The following IFT81 variants were observed in gnomAD, a reference collection of about 807,000 sequenced individuals.
IFT81 encodes intraflagellar transport 81, also known as intraflagellar transport protein 81 homolog.
In IFT81, 72 loss-of-function variants were observed where a neutral mutation model predicts 102.6. That is an observed-to-expected ratio of 0.70 (90% CI 0.58 to 0.85). IFT81 has a LOEUF of 0.85. IFT81 is among the 40% of genes least tolerant of loss of function. The probability of loss-of-function intolerance (pLI) is 0.00; values close to 1 mark genes in which losing one functional copy is unlikely to be tolerated. For synonymous variants in IFT81, 237 were observed against 242.7 expected (o/e 0.98, Z 0.22); for missense variants, 723 against 787.3 (o/e 0.92, Z 0.98).
chr12:110,195,849 A>C (rs988321318), intron 14 of IFT81, among the ~76,000 whole-genome samples: 1 of 152,240 alleles, frequency 6.6e-6, no homozygotes, highest in African/African-American at 2.4e-5. Context: ...TTTGACTATT[A>C]GATCATGCTT....
At chr12:110,132,970 CTTTTT>C (rs11349893) in intron 5 of IFT81, among the ~76,000 whole-genome samples, 5 of 124,938 alleles carry the variant, frequency 4.0e-5, no homozygotes, top group Non-Finnish European at 3.3e-5. Context: ...CTTTCTCTCT[CTTTTT>C]TTTTTTTTTT....
At chr12:110,149,339 T>C (rs577971239) in intron 10 of IFT81, among the ~76,000 whole-genome samples, 5 of 152,246 alleles carry the variant, frequency 3.3e-5, no homozygotes, top group Admixed American at 2.0e-4. Context: ...AGAGGAGGTA[T>C]AGACAGGCAG....
intron 11 of IFT81, among the ~76,000 whole-genome samples, chr12:110,177,628 A>G (rs1168991529): frequency 6.6e-6 from 1 of 152,234 alleles, no homozygotes; most frequent in East Asian, 1.9e-4. Flanking sequence ...TGTCTAAACT[A>G]GGAATTGGAA....
chr12:110,174,336 T>C (rs934557081), intron 11 of IFT81, among the ~76,000 whole-genome samples: 5 of 138,966 alleles, frequency 3.6e-5, no homozygotes, highest in African/African-American at 1.3e-4. Context: ...GTGCCTGTAA[T>C]CCCAGCTACT....
intron 11 of IFT81, among the ~76,000 whole-genome samples, chr12:110,178,788 T>C: frequency 6.7e-6 from 1 of 149,008 alleles, no homozygotes; most frequent in African/African-American, 2.5e-5. Flanking sequence ...GCTAATTTTT[T>C]GTATTTTTAG....
At chr12:110,144,320 G>C (rs187841109) in intron 9 of IFT81, among the ~76,000 whole-genome samples, 1 of 151,740 alleles carries the variant, frequency 6.6e-6, no homozygotes, top group East Asian at 1.9e-4. Flanking sequence ...GAGTTCAAGC[G>C]ATTCTCCTGC....
chr12:110,159,176 A>G (rs924878395), intron 10 of IFT81, among the ~76,000 whole-genome samples: 5 of 152,106 alleles, frequency 3.3e-5, no homozygotes, highest in African/African-American at 1.2e-4. Flanking sequence ...CTAAAGTGTA[A>G]AGTTAAGATA....
At chr12:110,214,960 C>T (rs1425686843) in intron 18 of IFT81, among the ~76,000 whole-genome samples, 1 of 149,850 alleles carries the variant, frequency 6.7e-6, no homozygotes, top group Admixed American at 6.6e-5. Context: ...GTAACATAAA[C>T]TTAAATAGAT....
intron 18 of IFT81, among the ~76,000 whole-genome samples, chr12:110,217,551 T>G (rs1348845423): frequency 6.6e-6 from 1 of 152,026 alleles, no homozygotes; most frequent in African/African-American, 2.4e-5. Context: ...TTTTTTTTGT[T>G]TGTTTGTTTT....
At chr12:110,184,242 C>A (rs776959266) in intron 12 of IFT81, among the ~76,000 whole-genome samples, 1 of 151,844 alleles carries the variant, frequency 6.6e-6, no homozygotes, top group Admixed American at 6.6e-5. Flanking sequence ...CCCAGCCACT[C>A]GGGAGGCTGA....
chr12:110,126,914 G>C (rs1430725449), intron 1 of IFT81, among the ~76,000 whole-genome samples: 2 of 152,214 alleles, frequency 1.3e-5, no homozygotes, highest in Non-Finnish European at 2.9e-5. Flanking sequence ...TGATTTTCAA[G>C]AGAAACTGGA....
At chr12:110,166,108 C>T (rs1023207334) in intron 11 of IFT81, among the ~76,000 whole-genome samples, 13 of 152,160 alleles carry the variant, frequency 8.5e-5, no homozygotes, top group Admixed American at 8.5e-4. Context: ...TAGTATGTAA[C>T]TCCTAGAATT....
At chr12:110,208,656 C>G (rs2137598112) in intron 17 of IFT81, among the ~76,000 whole-genome samples, 1 of 152,268 alleles carries the variant, frequency 6.6e-6, no homozygotes, top group East Asian at 1.9e-4. Context: ...TAAACATTTT[C>G]CCATCTATAG....
chr12:110,184,108 T>C (rs559847809), intron 12 of IFT81, among the ~76,000 whole-genome samples: 1 of 152,288 alleles, frequency 6.6e-6, no homozygotes, highest in African/African-American at 2.4e-5. Context: ...CCCAGCACTT[T>C]GGGAGGCCGA....
At chr12:110,173,392 G>A (rs1347943905) in intron 11 of IFT81, among the ~76,000 whole-genome samples, 1 of 151,428 alleles carries the variant, frequency 6.6e-6, no homozygotes, top group South Asian at 2.1e-4. Flanking sequence ...GGTGAGGGGC[G>A]CCTCTGCCCG....
chr12:110,209,960 T>C (rs936613294), intron 18 of IFT81, among the ~76,000 whole-genome samples: 1 of 152,142 alleles, frequency 6.6e-6, no homozygotes, highest in African/African-American at 2.4e-5. Context: ...CAGAGTTATC[T>C]GATGGCAACT....
intron 7 of IFT81, among the ~76,000 whole-genome samples, chr12:110,136,018 A>G (rs939616947): frequency 1.3e-5 from 2 of 152,202 alleles, no homozygotes; most frequent in African/African-American, 4.8e-5. Flanking sequence ...TAATGTTAAC[A>G]GTAAGATTAA....
chr12:110,201,634 G>T (rs957754489), intron 14 of IFT81, among the ~76,000 whole-genome samples: 1 of 151,690 alleles, frequency 6.6e-6, no homozygotes, highest in African/African-American at 2.4e-5. Flanking sequence ...TTTTGTAGAG[G>T]TGGGGTCTTG....
chr12:110,192,035 G>T (rs1033883540), intron 13 of IFT81, among the ~76,000 whole-genome samples: 1 of 151,978 alleles, frequency 6.6e-6, no homozygotes. Flanking sequence ...GCCGGGCGTG[G>T]TGTCGCACTC....
Sources: allele counts gnomAD v4.1 joint callset (sites outside exome capture counted in the v4.1 genomes callset), GRCh38; gene constraint gnomAD v4.1.1; transcripts MANE v1.5; gene names NCBI Gene and HGNC (gene_info 2026-07-23, HGNC 2026-07-21).